Variants in LAMA2 observed in about 807,000 individuals in gnomAD.
LAMA2 encodes laminin subunit alpha 2.
In LAMA2, 269 loss-of-function variants were observed where a neutral mutation model predicts 364.8. The ratio of observed to expected loss-of-function variants is 0.74; its 90% CI spans 0.67 to 0.82. The LOEUF is 0.82. LAMA2 is among the 40% of genes least tolerant of loss of function. The pLI, the probability that LAMA2 is intolerant of heterozygous loss-of-function variation, is 0.00. For missense variants in LAMA2, 3,807 were observed against 3,873.2 expected, an observed-to-expected ratio of 0.98 and a Z score of 0.45; for synonymous variants, 1,379 against 1,370.6, an observed-to-expected ratio of 1.01 and a Z score of -0.14.
chr6:129,290,134 A>G (rs561281497), intron 19 of LAMA2, among the ~76,000 whole-genome samples: 6 of 152,294 alleles, frequency 3.9e-5, no homozygotes, highest in African/African-American at 1.4e-4. Context: ...TTTTTACGAT[A>G]ACATTAATTA....
At chr6:129,444,839 A>T (rs142566980) in intron 44 of LAMA2, among the ~76,000 whole-genome samples, 141 of 152,318 alleles carry the variant, frequency 9.3e-4, no homozygotes, top group African/African-American at 3.1e-3. Context: ...ACTTAATCAG[A>T]TAATAAATGA....
intron 32 of LAMA2, among the ~76,000 whole-genome samples, chr6:129,363,912 G>A (rs1348895109): frequency 6.6e-6 from 1 of 152,152 alleles, no homozygotes; most frequent in Non-Finnish European, 1.5e-5. Context: ...CATTGAACGG[G>A]GCTATGAAGC....
intron 58 of LAMA2, among the ~76,000 whole-genome samples, chr6:129,501,150 C>G (rs1018096747): frequency 3.3e-5 from 5 of 152,136 alleles, no homozygotes; most frequent in Non-Finnish European, 2.9e-5. Flanking sequence ...TCGTGAGAGG[C>G]TGATAAAAGA....
At chr6:128,954,982 CAA>C (rs368505869) in intron 1 of LAMA2, among the ~76,000 whole-genome samples, 2 of 141,966 alleles carry the variant, frequency 1.4e-5, no homozygotes, top group African/African-American at 5.1e-5. Context: ...CAGGTGTGAG[CAA>C]AAAAAAAAAT....
intron 1 of LAMA2, among the ~76,000 whole-genome samples, chr6:128,884,618 T>C (rs1776044549): frequency 6.6e-6 from 1 of 152,192 alleles, no homozygotes; most frequent in Non-Finnish European, 1.5e-5. Context: ...TTGCATTCAC[T>C]ATATAACTTT....
intron 12 of LAMA2, among the ~76,000 whole-genome samples, chr6:129,246,548 T>TAC (rs1423010814): frequency 6.6e-6 from 1 of 152,206 alleles, no homozygotes. Context: ...GCATTGAAAC[T>TAC]ACACGGAAAC....
chr6:129,013,085 A>T (rs1000183596), intron 1 of LAMA2, among the ~76,000 whole-genome samples: 1 of 152,234 alleles, frequency 6.6e-6, no homozygotes, highest in Non-Finnish European at 1.5e-5. Flanking sequence ...ATGTGGGCAT[A>T]CAGGTTTTAT....
intron 28 of LAMA2, among the ~76,000 whole-genome samples, chr6:129,324,595 T>C (rs890968204): frequency 3.3e-5 from 5 of 152,176 alleles, no homozygotes; most frequent in African/African-American, 9.7e-5. Context: ...GCAAACATCA[T>C]AGAGTGTACA....
At chr6:129,031,205 A>G (rs1786194273) in intron 1 of LAMA2, among the ~76,000 whole-genome samples, 1 of 152,218 alleles carries the variant, frequency 6.6e-6, no homozygotes, top group Non-Finnish European at 1.5e-5. Context: ...TGTCTATAAA[A>G]CAAGTATTTT....
At chr6:129,303,672 A>G (rs1773684689) in intron 22 of LAMA2, among the ~76,000 whole-genome samples, 1 of 152,190 alleles carries the variant, frequency 6.6e-6, no homozygotes, top group African/African-American at 2.4e-5. Flanking sequence ...AGATGACCAT[A>G]TGATATTTCT....
chr6:128,987,148 T>G (rs1407416613), intron 1 of LAMA2, among the ~76,000 whole-genome samples: 1 of 145,706 alleles, frequency 6.9e-6, no homozygotes, highest in Admixed American at 7.0e-5. Context: ...TTGTTTTTTT[T>G]TTTTTTTTGA....
intron 21 of LAMA2, among the ~76,000 whole-genome samples, chr6:129,298,119 C>T (rs1359175921): frequency 6.6e-6 from 1 of 152,256 alleles, no homozygotes; most frequent in Admixed American, 6.5e-5. Flanking sequence ...CTGTCTGTGA[C>T]TTTGATTCAG....
chr6:129,134,057 G>A (rs1268918640), intron 4 of LAMA2, among the ~76,000 whole-genome samples: 1 of 152,142 alleles, frequency 6.6e-6, no homozygotes, highest in Non-Finnish European at 1.5e-5. Flanking sequence ...TTTTAAACAA[G>A]TGTTCCCACA....
intron 1 of LAMA2, chr6:128,929,631 A>C (rs1408315567): frequency 7.1e-7 from 1 of 1,407,628 alleles, no homozygotes; most frequent in African/African-American, 1.4e-5. Flanking sequence ...TGACCTGCTC[A>C]AATATGGAAT....
chr6:128,903,861 C>T (rs986604024), intron 1 of LAMA2, among the ~76,000 whole-genome samples: 7 of 152,082 alleles, frequency 4.6e-5, no homozygotes, highest in African/African-American at 1.4e-4. Flanking sequence ...AAGAAGTAGA[C>T]AGAGACAGTG....
intron 3 of LAMA2, among the ~76,000 whole-genome samples, chr6:129,064,292 T>C (rs1484811176): frequency 1.3e-5 from 2 of 149,090 alleles, no homozygotes; most frequent in Admixed American, 1.3e-4. Context: ...AGAAAGGCTA[T>C]AGTAATAAAT....
At chr6:129,157,823 G>T in intron 8 of LAMA2, 2 of 1,613,800 alleles carry the variant, frequency 1.2e-6, no homozygotes, top group Non-Finnish European at 1.7e-6. Context: ...TGATTAGGCC[G>T]AAGCTGTAGA....
At chr6:129,191,439 C>G (rs910387509) in intron 11 of LAMA2, among the ~76,000 whole-genome samples, 11 of 152,262 alleles carry the variant, frequency 7.2e-5, no homozygotes, top group African/African-American at 2.2e-4. Flanking sequence ...GTCTAACTTC[C>G]TCTTTTGTTT....
Position 129,154,682 on chromosome 6 carries a change from G to C in LAMA2, c.1205G>C (p.Gly402Ala). The change falls in exon 8 of 65, where the codon GGG (glycine) becomes GCG (alanine). Residue 402 changes from glycine to alanine, a missense_variant and splice_region_variant. This residue lies in a region of LAMA2 where 80 missense variants were observed against 124.0 expected (regional missense o/e 0.65). Coordinates refer to ENST00000421865, the MANE Select transcript of LAMA2 (RefSeq NM_000426.4). Reference sequence around the variant, plus strand: ...ACTGATGGCTTCTTCAGACCCAAAGGGGTAAAGTATGCTTTTTCTTTCATA... The same window carrying C: ...ACTGATGGCTTCTTCAGACCCAAAGCGGTAAAGTATGCTTTTTCTTTCATA... Reference protein sequence around the residue: ...TCTDGFFRPKGVSPNYPRPCQ... With the variant: ...TCTDGFFRPKAVSPNYPRPCQ... 5.0e-6 allele frequency: 8 copies of C among 1,612,638 alleles called. No homozygotes were observed. The highest frequency in any genetic ancestry group is 6.8e-6 in the Non-Finnish European group (8 of 1,178,918).
Sources: gnomAD v4.1 joint callset for allele counts (sites outside exome capture counted in the v4.1 genomes callset) on GRCh38, gnomAD v4.1.1 for gene constraint, gnomAD v4.1.1 regional missense constraint, MANE v1.5 for transcripts, NCBI Gene and HGNC (gene_info 2026-07-23, HGNC 2026-07-21) for gene names.